Variants in COL1A2 observed in about 807,000 individuals in gnomAD.
COL1A2 encodes the protein collagen alpha-2(I) chain.
In COL1A2, 49 loss-of-function variants were observed where a neutral mutation model predicts 174.3. That is an observed-to-expected ratio of 0.28 (90% confidence interval 0.22 to 0.36). The LOEUF (loss-of-function observed/expected upper bound fraction) is 0.36. Among genes scored for constraint, COL1A2 ranks in the 10% least tolerant of loss-of-function variants. The probability of loss-of-function intolerance (pLI) is 1.00; values close to 1 mark genes in which losing one functional copy is unlikely to be tolerated. For synonymous variants in COL1A2, 655 were observed against 606.6 expected (o/e 1.08, Z -1.17); for missense variants, 1,438 against 1,822.7 (o/e 0.79, Z 3.84).
At chr7:94,429,642 T>G (rs1488903257) in intron 51 of COL1A2, 2 of 544,398 alleles carry the variant, frequency 3.7e-6, no homozygotes, top group Non-Finnish European at 6.4e-6. Flanking sequence ...GATGATAAAT[T>G]CAGAGTATTC....
chr7:94,396,170 T>C (rs1176774145), intron 1 of COL1A2, among the ~76,000 whole-genome samples: 5 of 152,192 alleles, frequency 3.3e-5, no homozygotes, highest in Non-Finnish European at 7.3e-5. Flanking sequence ...CGTTTTCATC[T>C]TGAAAATGGC....
At chr7:94,400,310 T>A (rs759802957) in intron 5 of COL1A2, 22 bp downstream of exon 5, 34 of 1,601,946 alleles carry the variant, frequency 2.1e-5, no homozygotes, top group Non-Finnish European at 2.9e-5. Context: ...TACGTATTGC[T>A]AACTTTTAGC....
intron 51 of COL1A2, 73 bp downstream of exon 51, chr7:94,429,503 AG>A (rs1053546190): frequency 1.2e-5 from 19 of 1,546,746 alleles, no homozygotes; most frequent in African/African-American, 2.7e-5. Flanking sequence ...ACTGCCCCCA[AG>A]GGGGGGTCTA....
At position 94,426,418 on chromosome 7, in the gene COL1A2, T is replaced by C. The variant is rs1224304317; in HGVS notation, c.2998-5T>C. 6.3e-7 allele frequency: 1 copy of C among 1,586,098 alleles called. No individual in the cohort carries two copies. Among genetic ancestry groups the C allele is most frequent in the East Asian group, 2.3e-5 (1 of 43,836 alleles). On this transcript the variant is annotated splice_region_variant and splice_polypyrimidine_tract_variant and intron_variant, in intron 45 of 51. Coordinates refer to ENST00000297268, the MANE Select transcript of COL1A2 (RefSeq NM_000089.4). Reference sequence around the variant, plus strand: ...AGTCTTATCCATCCTTCTGTTTCTTTATAGGGCCCACAAGGCATTCGTGGC... The same window carrying C: ...AGTCTTATCCATCCTTCTGTTTCTTCATAGGGCCCACAAGGCATTCGTGGC...
chr7:94,416,639 C>T, intron 31 of COL1A2, 136 bp downstream of exon 31: 2 of 700,496 alleles, frequency 2.9e-6, no homozygotes, highest in Non-Finnish European at 5.0e-6. Flanking sequence ...TCTCAGTAAA[C>T]AGCAATCCGA....
At chr7:94,409,930 C>G in intron 19 of COL1A2, 109 bp downstream of exon 19, 1 of 1,131,526 alleles carries the variant, frequency 8.8e-7, no homozygotes, top group Non-Finnish European at 1.3e-6. Context: ...TTTTTCTCTT[C>G]CTTAGCATTT....
At chr7:94,404,415 C>A (rs1791751504) in intron 6 of COL1A2, 141 bp from the exon 7 acceptor site, 1 of 852,490 alleles carries the variant, frequency 1.2e-6, no homozygotes, top group Non-Finnish European at 2.0e-6. Flanking sequence ...AAGTTTGAGT[C>A]CTTAAATTCT....
chr7:94,429,028 C>T (rs1299593745), intron 50 of COL1A2, among the ~76,000 whole-genome samples, 160 bp from the exon 51 acceptor site: 1 of 151,642 alleles, frequency 6.6e-6, no homozygotes, highest in African/African-American at 2.4e-5. Context: ...ACTTCAAAGA[C>T]AAGTGAATTA....
intron 48 of COL1A2, 96 bp from the exon 49 acceptor site, chr7:94,427,531 G>T (rs1792303950): frequency 2.8e-6 from 4 of 1,410,548 alleles, no homozygotes; most frequent in South Asian, 1.2e-5. Context: ...ATGAGAACAT[G>T]CTTCCGTGTG....
chr7:94,425,043 G>T, intron 41 of COL1A2, 74 bp from the exon 42 acceptor site: 1 of 1,268,666 alleles, frequency 7.9e-7, no homozygotes, highest in Admixed American at 1.7e-5. Context: ...CTCCTGAGTA[G>T]GGTTGTTTTG....
chr7:94,406,516 A>C (rs1791800840), intron 12 of COL1A2, among the ~76,000 whole-genome samples: 1 of 152,172 alleles, frequency 6.6e-6, no homozygotes, highest in African/African-American at 2.4e-5. Flanking sequence ...ATATCTATTA[A>C]ACAATTGAGA....
At chr7:94,414,451 T>C (rs1240235378) in intron 29 of COL1A2, among the ~76,000 whole-genome samples, 176 bp downstream of exon 29, 1 of 152,228 alleles carries the variant, frequency 6.6e-6, no homozygotes, top group Admixed American at 6.5e-5. Flanking sequence ...ATTACTTTAG[T>C]TCTGATTACT....
intron 42 of COL1A2, 79 bp from the exon 43 acceptor site, chr7:94,425,519 TGGAAGTGATGAA>T: frequency 7.6e-7 from 1 of 1,311,002 alleles, no homozygotes; most frequent in Non-Finnish European, 1.1e-6. Flanking sequence ...TACTGAGCAC[TGGAAGTGATGAA>T]GACAGAGTAG....
rs1792387117 is a variant in COL1A2, at chr7:94,430,855, T to C, written c.*462T>C. 5.8e-6 allele frequency: 1 copy of C among 172,472 alleles called. No individual in the cohort carries two copies. Among genetic ancestry groups the C allele is most frequent in the Non-Finnish European group, 1.2e-5 (1 of 80,112 alleles). The allele number at this position is 172,472 out of a possible 1,614,324, so 10.7% of individuals were successfully genotyped here. ...AGATGAACTGAGGTCCTTGTTTTGT[T>C]TTGTTCATAATACAAAGGTGCTAAT... is the stretch of plus-strand genomic sequence containing the variant. On this transcript the variant is annotated 3_prime_UTR_variant, in exon 52 of 52. Transcript: ENST00000297268.
At chr7:94,421,760 T>C in intron 38 of COL1A2, 139 bp from the exon 39 acceptor site, 1 of 659,092 alleles carries the variant, frequency 1.5e-6, no homozygotes, top group Non-Finnish European at 2.8e-6. Flanking sequence ...AATAATGCCC[T>C]ATATGAAGCT....
intron 13 of COL1A2, 95 bp downstream of exon 13, chr7:94,407,986 C>A: frequency 1.6e-6 from 2 of 1,266,282 alleles, no homozygotes; most frequent in Non-Finnish European, 2.3e-6. Context: ...TATCCTTCAG[C>A]ATTGTATTCT....
chr7:94,419,834 C>T (rs1584325778), intron 34 of COL1A2, among the ~76,000 whole-genome samples: 1 of 152,276 alleles, frequency 6.6e-6, no homozygotes, highest in African/African-American at 2.4e-5. Context: ...ACTGAGGCTT[C>T]TCAAAGCCTT....
intron 32 of COL1A2, 134 bp downstream of exon 32, chr7:94,417,965 G>A (rs398448): frequency 1.3e-6 from 1 of 753,824 alleles, no homozygotes; most frequent in Non-Finnish European, 2.3e-6. Flanking sequence ...ATTTCCCTCT[G>A]CCACCTAGCA....
intron 50 of COL1A2, among the ~76,000 whole-genome samples, chr7:94,428,934 C>CA (rs1437900811): frequency 6.6e-6 from 1 of 152,054 alleles, no homozygotes; most frequent in Non-Finnish European, 1.5e-5. Context: ...GAAGCATATG[C>CA]AAAAAGGATT....
Sources: allele counts gnomAD v4.1 joint callset (sites outside exome capture counted in the v4.1 genomes callset), GRCh38; gene constraint gnomAD v4.1.1; transcripts MANE v1.5; gene names NCBI Gene and HGNC (gene_info 2026-07-23, HGNC 2026-07-21).